The following YIPF7 variants were observed in gnomAD, a reference collection of about 807,000 sequenced individuals.
The protein encoded by YIPF7 is Yip1 domain family member 7, also known as protein YIPF7.
In YIPF7, 35 loss-of-function variants were observed where a neutral mutation model predicts 27.2. That is an observed-to-expected ratio of 1.29 (90% CI 0.98 to 1.70). The LOEUF is 1.70. Among genes scored for constraint, YIPF7 ranks in the 40% most tolerant of loss-of-function variants. The pLI is 0.00. For missense variants in YIPF7, 358 were observed against 303.7 expected (o/e 1.18, Z -1.33); for synonymous variants, 137 against 110.4 (o/e 1.24, Z -1.51).
At chr4:44,643,639 A>G (rs962898983) in intron 2 of YIPF7, among the ~76,000 whole-genome samples, 9 of 152,172 alleles carry the variant, frequency 5.9e-5, no homozygotes, top group Non-Finnish European at 1.0e-4. Context: ...CTAGGAAGGA[A>G]GAATGGTTTC....
chr4:44,660,976 A>G (rs1326200145), intron 1 of YIPF7, among the ~76,000 whole-genome samples: 2 of 152,214 alleles, frequency 1.3e-5, no homozygotes, highest in Non-Finnish European at 2.9e-5. Flanking sequence ...GAAAATGCCA[A>G]CCGGTTTCTT....
At chr4:44,650,199 T>C in intron 1 of YIPF7, 98 bp from the exon 2 acceptor site, 1 of 754,188 alleles carries the variant, frequency 1.3e-6, no homozygotes, top group East Asian at 2.7e-5. Context: ...TATGGCTGAA[T>C]TCCTATCAGA....
chr4:44,636,853 C>A (rs1713140991), intron 2 of YIPF7, among the ~76,000 whole-genome samples: 1 of 151,994 alleles, frequency 6.6e-6, no homozygotes, highest in Non-Finnish European at 1.5e-5. Context: ...GTATCCAAAA[C>A]CCAAATAACA....
At chr4:44,625,531 C>A (rs1712605938) in intron 4 of YIPF7, among the ~76,000 whole-genome samples, 1 of 152,134 alleles carries the variant, frequency 6.6e-6, no homozygotes, top group African/African-American at 2.4e-5. Context: ...ATACCTATTG[C>A]CAGGTTGATT....
At chr4:44,654,889 T>C (rs1435251869), upstream of YIPF7, among the ~76,000 whole-genome samples, 1 of 152,046 alleles carries the variant, frequency 6.6e-6, no homozygotes, top group Non-Finnish European at 1.5e-5. Flanking sequence ...AAAAGTGAAA[T>C]ATCACTTTTA....
chr4:44,642,636 T>C (rs1713370352), intron 2 of YIPF7, among the ~76,000 whole-genome samples: 1 of 152,106 alleles, frequency 6.6e-6, no homozygotes, highest in Non-Finnish European at 1.5e-5. Context: ...TGGGAGGTGA[T>C]TGAATTATGG....
At chr4:44,625,499 C>T (rs1712604831) in intron 4 of YIPF7, among the ~76,000 whole-genome samples, 1 of 152,202 alleles carries the variant, frequency 6.6e-6, no homozygotes, top group East Asian at 1.9e-4. Flanking sequence ...TAGTTGACCA[C>T]AGAATCCTTT....
intron 2 of YIPF7, among the ~76,000 whole-genome samples, chr4:44,646,766 TA>T (rs1454527939): frequency 1.3e-5 from 2 of 152,110 alleles, no homozygotes; most frequent in Non-Finnish European, 2.9e-5. Flanking sequence ...ACAGGCTTTT[TA>T]AAATGAGCTC....
intron 2 of YIPF7, among the ~76,000 whole-genome samples, chr4:44,656,828 T>A (rs1042203862): frequency 5.3e-5 from 8 of 152,142 alleles, no homozygotes; most frequent in Admixed American, 5.2e-4. Context: ...CATTCATGTC[T>A]TATTTTACAA....
chr4:44,633,090 C>T (rs939248716), intron 3 of YIPF7, among the ~76,000 whole-genome samples: 24 of 152,276 alleles, frequency 1.6e-4, no homozygotes, highest in Admixed American at 1.1e-3. Context: ...ATCTAGGCTG[C>T]ACGCTTGTTA....
intron 3 of YIPF7, 69 bp downstream of exon 3, chr4:44,635,853 A>T (rs182139938): frequency 5.9e-6 from 9 of 1,523,124 alleles, no homozygotes; most frequent in Non-Finnish European, 6.3e-6. Flanking sequence ...CTGACAGCAC[A>T]CATTAAGTGC....
intron 5 of YIPF7, among the ~76,000 whole-genome samples, chr4:44,624,149 T>C (rs1712538427): frequency 6.7e-6 from 1 of 149,792 alleles, no homozygotes; most frequent in East Asian, 2.0e-4. Context: ...CACTGCAACC[T>C]CCGCCTCTGG....
At chr4:44,645,697 A>G (rs1219983529) in intron 2 of YIPF7, among the ~76,000 whole-genome samples, 2 of 152,154 alleles carry the variant, frequency 1.3e-5, no homozygotes, top group Non-Finnish European at 2.9e-5. Context: ...CAAAAGAAAC[A>G]TTGAACTCTG....
intron 2 of YIPF7, among the ~76,000 whole-genome samples, chr4:44,645,376 G>T: frequency 6.6e-6 from 1 of 152,114 alleles, no homozygotes; most frequent in African/African-American, 2.4e-5. Context: ...ATCCTTTCAT[G>T]AAAAAAGTCT....
chr4:44,635,898 A>G (rs747014770), intron 3 of YIPF7, 24 bp downstream of exon 3: 2 of 1,612,464 alleles, frequency 1.2e-6, no homozygotes, highest in South Asian at 1.1e-5. Context: ...CTGTACACAC[A>G]TTAATAACAC....
At chr4:44,638,869 T>C (rs190870263) in intron 2 of YIPF7, among the ~76,000 whole-genome samples, 2 of 152,298 alleles carry the variant, frequency 1.3e-5, no homozygotes, top group Non-Finnish European at 2.9e-5. Flanking sequence ...TTTTTGTATA[T>C]GGTGGGAGAT....
rs1028815700 is a variant in YIPF7, at chr4:44,624,707, G to A, written c.502C>T (p.Leu168=). Residue 168 remains leucine (L), a synonymous_variant, in exon 5 of 6, where the codon CTG becomes TTG. Coordinates refer to ENST00000415895, the MANE Select transcript of YIPF7 (RefSeq NM_182592.3). Reference sequence around the variant, plus strand: ...TACGACACCCCTGAAGAGCTCATCAGGTTCAGCAAGGCATGAATCACAAGG... The same window carrying A: ...TACGACACCCCTGAAGAGCTCATCAAGTTCAGCAAGGCATGAATCACAAGG... ...GCLVIHALLN[L]MSSSGVSYGC... The A allele has an allele frequency of 1.9e-5, 31 of 1,610,692 alleles. No homozygotes were observed. The highest frequency in any genetic ancestry group is 1.3e-4 in the African/African-American group (10 of 74,876).
chr4:44,630,868 C>T (rs935267701), intron 3 of YIPF7, among the ~76,000 whole-genome samples: 7 of 152,204 alleles, frequency 4.6e-5, no homozygotes, highest in South Asian at 2.1e-4. Flanking sequence ...GTAGAGAAAG[C>T]GAATATTCAA....
At chr4:44,656,249 T>A (rs997100591), upstream of YIPF7, among the ~76,000 whole-genome samples, 8 of 152,044 alleles carry the variant, frequency 5.3e-5, no homozygotes, top group South Asian at 2.1e-4. Flanking sequence ...CAAATTTACA[T>A]CCATTTAGCA....
Sources: gnomAD v4.1 joint callset for allele counts (sites outside exome capture counted in the v4.1 genomes callset) on GRCh38, gnomAD v4.1.1 for gene constraint, MANE v1.5 for transcripts, NCBI Gene and HGNC (gene_info 2026-07-23, HGNC 2026-07-21) for gene names.